The following ARL15 variants were observed in gnomAD, a reference collection of about 807,000 sequenced individuals.
ARL15 encodes ARF like GTPase 15, also known as ADP-ribosylation factor-like protein 15.
Under a neutral mutation model 25.2 loss-of-function variants are expected in ARL15, and 19 were observed. That is an observed-to-expected ratio of 0.75 (90% CI 0.53 to 1.10). ARL15 has a LOEUF of 1.10. Among genes scored for constraint, ARL15 ranks in the 50% least tolerant of loss-of-function variants. The pLI is 0.00. For synonymous variants in ARL15, 94 were observed against 86.8 expected (o/e 1.08, Z -0.46); for missense variants, 220 against 246.0 (o/e 0.89, Z 0.71).
chr5:53,918,018 A>G (rs1217198552), intron 4 of ARL15, among the ~76,000 whole-genome samples: 18 of 152,190 alleles, frequency 1.2e-4, no homozygotes. Flanking sequence ...ATCATACGAC[A>G]TATGCAATAA....
chr5:54,085,801 T>A (rs746065851), intron 4 of ARL15, among the ~76,000 whole-genome samples: 1 of 152,086 alleles, frequency 6.6e-6, no homozygotes, highest in Admixed American at 6.5e-5. Flanking sequence ...GTCAGCGCCA[T>A]AGGTGGTAAC....
intron 1 of ARL15, among the ~76,000 whole-genome samples, chr5:54,263,046 C>T (rs1757533963): frequency 6.6e-6 from 1 of 152,088 alleles, no homozygotes; most frequent in Non-Finnish European, 1.5e-5. Context: ...TTTGTTGCCA[C>T]CATTGGTGGG....
chr5:54,042,740 C>T (rs1750381081), intron 4 of ARL15, among the ~76,000 whole-genome samples: 1 of 152,204 alleles, frequency 6.6e-6, no homozygotes, highest in Non-Finnish European at 1.5e-5. Flanking sequence ...CTGGTCTACA[C>T]ACCTGAATTT....
At chr5:54,180,910 C>G (rs1755037006) in intron 1 of ARL15, among the ~76,000 whole-genome samples, 1 of 152,186 alleles carries the variant, frequency 6.6e-6, no homozygotes, top group African/African-American at 2.4e-5. Flanking sequence ...GGGCAGACAT[C>G]TGAGACTTTG....
intron 4 of ARL15, among the ~76,000 whole-genome samples, chr5:54,095,641 C>T (rs1752263165): frequency 6.6e-6 from 1 of 152,126 alleles, no homozygotes; most frequent in Non-Finnish European, 1.5e-5. Flanking sequence ...AAGCCCAAAT[C>T]AGCAGGCTTT....
At chr5:54,262,037 G>T (rs1006263352) in intron 1 of ARL15, among the ~76,000 whole-genome samples, 4 of 152,088 alleles carry the variant, frequency 2.6e-5, no homozygotes, top group Non-Finnish European at 4.4e-5. Flanking sequence ...ATGAACATTT[G>T]AAATAAATAC....
rs1200603777 is a variant in ARL15 at position 54,223,929 on chromosome 5, G to A, written c.49-52001C>T. 2.0e-5 allele frequency among the ~76,000 whole-genome samples: 3 copies of A among 152,056 alleles called. No homozygotes were observed. The East Asian group carries it at 5.8e-4, about 29-fold the overall frequency. ...AGGTTATAAGAATGCTGTGGCACTT[G>A]AGCAGCACCTTGAATGTTGGCTGCA... On this transcript the variant is annotated intron_variant, in intron 1 of 4. Transcript: ENST00000504924.
intron 4 of ARL15, among the ~76,000 whole-genome samples, chr5:54,004,591 A>G (rs988096624): frequency 9.2e-5 from 14 of 152,150 alleles, no homozygotes; most frequent in Non-Finnish European, 1.6e-4. Flanking sequence ...CTTCGGTGGC[A>G]GATCTCAAGT....
chr5:54,122,140 T>C (rs1753100154), intron 3 of ARL15, among the ~76,000 whole-genome samples: 1 of 152,226 alleles, frequency 6.6e-6, no homozygotes, highest in Non-Finnish European at 1.5e-5. Flanking sequence ...GACCCTTTCT[T>C]TTTCTGTTCA....
At chr5:54,074,727 T>C (rs537807068) in intron 4 of ARL15, among the ~76,000 whole-genome samples, 2 of 152,220 alleles carry the variant, frequency 1.3e-5, no homozygotes, top group Admixed American at 6.5e-5. Context: ...GAGTGAAAAA[T>C]ACATCTATTT....
chr5:54,173,444 T>TA (rs1220494387), intron 1 of ARL15, among the ~76,000 whole-genome samples: 3 of 152,104 alleles, frequency 2.0e-5, no homozygotes, highest in African/African-American at 7.2e-5. Context: ...AAGAGACCTA[T>TA]AAAAAAGCCT....
intron 4 of ARL15, among the ~76,000 whole-genome samples, chr5:53,932,215 C>T (rs1746214654): frequency 6.6e-6 from 1 of 152,212 alleles, no homozygotes; most frequent in Admixed American, 6.5e-5. Flanking sequence ...AGGAAGGGAA[C>T]TTCCGCTTAT....
chr5:54,014,188 C>T (rs1654936015), intron 4 of ARL15, among the ~76,000 whole-genome samples: 1 of 152,142 alleles, frequency 6.6e-6, no homozygotes, highest in Non-Finnish European at 1.5e-5. Flanking sequence ...GGGAACTTCA[C>T]CCCAAAACAC....
At chr5:54,054,865 A>G (rs1750814184) in intron 4 of ARL15, among the ~76,000 whole-genome samples, 1 of 152,116 alleles carries the variant, frequency 6.6e-6, no homozygotes, top group Non-Finnish European at 1.5e-5. Context: ...TCAAATGGCC[A>G]CAACCTACCT....
chr5:54,011,065 A>C (rs186510190), intron 4 of ARL15, among the ~76,000 whole-genome samples: 3 of 152,182 alleles, frequency 2.0e-5, no homozygotes, highest in African/African-American at 7.2e-5. Context: ...AAGTGATAAA[A>C]GGCCAAATTA....
At chr5:54,229,546 T>C (rs1263647172) in intron 1 of ARL15, among the ~76,000 whole-genome samples, 3 of 152,014 alleles carry the variant, frequency 2.0e-5, no homozygotes, top group Admixed American at 2.0e-4. Flanking sequence ...TAACAAACAG[T>C]TTTAGAGACA....
chr5:54,202,865 A>C (rs902417432), intron 1 of ARL15, among the ~76,000 whole-genome samples: 3 of 141,454 alleles, frequency 2.1e-5, no homozygotes, highest in African/African-American at 8.3e-5. Context: ...TTTCATGAAT[A>C]AAATCAATAG....
rs1176229885 is a variant in ARL15, at chr5:54,101,855, T to C, written c.462+11347A>G. Among the ~76,000 whole-genome samples the C allele has an allele frequency of 2.0e-5, 3 of 152,150 alleles. No homozygotes were observed. In the East Asian group the frequency reaches 5.8e-4, roughly 29 times the overall value. ...CCCAACTTATACTTAAAGAAAAACA[T>C]CAAAGTTAATATGCAAAATTGGTAT... On this transcript the variant is annotated intron_variant, in intron 4 of 4. Coordinates refer to ENST00000504924, the MANE Select transcript of ARL15 (RefSeq NM_019087.3).
chr5:54,214,653 G>A (rs551705029), intron 1 of ARL15, among the ~76,000 whole-genome samples: 2 of 152,192 alleles, frequency 1.3e-5, no homozygotes, highest in South Asian at 2.1e-4. Context: ...ACAAAAAGAC[G>A]CACACCATGT....
Sources: allele counts gnomAD v4.1 joint callset (sites outside exome capture counted in the v4.1 genomes callset), GRCh38; gene constraint gnomAD v4.1.1; transcripts MANE v1.5; gene names NCBI Gene and HGNC (gene_info 2026-07-23, HGNC 2026-07-21).